CATSPERE: variants seen among roughly 807,000 people sequenced by gnomAD.
CATSPERE encodes the protein catsper channel auxiliary subunit epsilon.
A neutral mutation model predicts 114.1 loss-of-function variants in CATSPERE; 93 were observed. That is an observed-to-expected ratio of 0.81 (90% CI 0.69 to 0.97). The LOEUF is 0.97. CATSPERE is among the 50% of genes least tolerant of loss of function. The pLI is 0.00. For missense variants in CATSPERE, 1,058 were observed against 1,131.6 expected (o/e 0.93, Z 0.93); for synonymous variants, 341 against 384.1 (o/e 0.89, Z 1.31).
chr1:244,551,348 G>T (rs1660590726), intron 8 of CATSPERE, among the ~76,000 whole-genome samples: 1 of 152,106 alleles, frequency 6.6e-6, no homozygotes, highest in Non-Finnish European at 1.5e-5. Flanking sequence ...TTATCACATG[G>T]AAAATATTAT....
At chr1:244,588,587 G>T (rs751520001) in intron 14 of CATSPERE, 53 bp downstream of exon 14, 83 of 1,325,202 alleles carry the variant, frequency 6.3e-5, no homozygotes, top group South Asian at 4.6e-4. Flanking sequence ...AAAACAAATG[G>T]TAAACTAAGT....
chr1:244,541,658 T>TATATAA (rs1307204755), intron 8 of CATSPERE, among the ~76,000 whole-genome samples: 1 of 143,924 alleles, frequency 6.9e-6, no homozygotes, highest in East Asian at 2.0e-4. Flanking sequence ...CATTACTGGG[T>TATATAA]ATATACCCAA....
In CATSPERE at chr1:244,504,783, C is replaced by T. The variant is rs142406870; in HGVS notation, c.429+5704C>T. On this transcript the variant is annotated intron_variant, in intron 7 of 21. Coordinates refer to ENST00000366534, the MANE Select transcript of CATSPERE (RefSeq NM_001130957.2). The surrounding 1 kb of genome is among the most constrained non-coding windows in gnomAD (Gnocchi z 4.1). Reference sequence around the variant, plus strand: ...GGGCGCATACAATCATATGATGTGTCGCTGCTGATGTTTGCGTTCATCACC... The same window carrying T: ...GGGCGCATACAATCATATGATGTGTTGCTGCTGATGTTTGCGTTCATCACC... 3.9e-4 allele frequency among the ~76,000 whole-genome samples: 60 copies of T among 152,192 alleles called. No homozygotes were observed. Among genetic ancestry groups the T allele is most frequent in the African/African-American group, 1.4e-3 (56 of 41,444 alleles).
At chr1:244,621,474 A>G (rs1672381065) in intron 20 of CATSPERE, among the ~76,000 whole-genome samples, 1 of 151,036 alleles carries the variant, frequency 6.6e-6, no homozygotes. Context: ...GAGTGCCTCC[A>G]ATATGCTCAG....
intron 7 of CATSPERE, among the ~76,000 whole-genome samples, chr1:244,512,816 A>G (rs1476289074): frequency 6.6e-6 from 1 of 152,202 alleles, no homozygotes; most frequent in Non-Finnish European, 1.5e-5. Context: ...ACAGTAGTGT[A>G]GTCCCTGCAT....
intron 8 of CATSPERE, among the ~76,000 whole-genome samples, chr1:244,538,812 C>A (rs1186743352): frequency 6.6e-6 from 1 of 152,116 alleles, no homozygotes; most frequent in Non-Finnish European, 1.5e-5. Flanking sequence ...ATTGGGAGTA[C>A]CAGCAGGGCT....
Position 244,633,933 on chromosome 1 carries a change from C to T in CATSPERE, c.2649-1556C>T, listed in dbSNP as rs938489119. 2.7e-5 allele frequency among the ~76,000 whole-genome samples: 4 copies of T among 150,392 alleles called. No individual in the cohort carries two copies. Among genetic ancestry groups the T allele is most frequent in the African/African-American group, 9.8e-5 (4 of 40,774 alleles). ...AGGCTGGAGTGCAGTGGTGCGATCTCCGCTCACTGCAACCTACGCCTCCCG... is the reference window on the plus strand; with the variant it reads ...AGGCTGGAGTGCAGTGGTGCGATCTTCGCTCACTGCAACCTACGCCTCCCG... On this transcript the variant is annotated intron_variant, in intron 20 of 21. Coordinates refer to ENST00000366534, the MANE Select transcript of CATSPERE (RefSeq NM_001130957.2). This position sits in a 1 kb window ranked among gnomAD's most constrained non-coding sequence, Gnocchi z 4.1.
intron 11 of CATSPERE, 82 bp downstream of exon 11, chr1:244,572,854 C>A: frequency 1.1e-6 from 1 of 917,558 alleles, no homozygotes; most frequent in Non-Finnish European, 1.5e-6. Context: ...ATGGATTTCC[C>A]TTCTAGGCTC....
At chr1:244,626,663 TTA>T (rs1673243003) in intron 20 of CATSPERE, among the ~76,000 whole-genome samples, 1 of 152,140 alleles carries the variant, frequency 6.6e-6, no homozygotes, top group Non-Finnish European at 1.5e-5. Flanking sequence ...CCTTGTAATT[TTA>T]TGTTATGCAG....
chr1:244,501,521 C>T (rs1430481229), intron 7 of CATSPERE, among the ~76,000 whole-genome samples: 3 of 152,230 alleles, frequency 2.0e-5, no homozygotes, highest in Non-Finnish European at 2.9e-5. Context: ...GCATATTATC[C>T]TATCTCATGG....
At chr1:244,460,188 ACCT>A (rs1666540394), upstream of CATSPERE, among the ~76,000 whole-genome samples, 3 of 152,300 alleles carry the variant, frequency 2.0e-5, no homozygotes, top group East Asian at 5.8e-4. Flanking sequence ...CCCAAAGCAG[ACCT>A]CCTTCTTGCC....
chr1:244,600,061 G>T (rs1007250456), intron 17 of CATSPERE, among the ~76,000 whole-genome samples: 5 of 152,162 alleles, frequency 3.3e-5, no homozygotes, highest in Non-Finnish European at 5.9e-5. Flanking sequence ...ACTGAGCTAA[G>T]TTGAGTCACT....
At chr1:244,458,578 C>T (rs188311353), upstream of CATSPERE, among the ~76,000 whole-genome samples, 225 of 152,244 alleles carry the variant, frequency 1.5e-3, no homozygotes, top group African/African-American at 4.8e-3. Context: ...ATGTGTTAAA[C>T]ATTGCTAAAC....
intron 19 of CATSPERE, 40 bp from the exon 20 acceptor site, chr1:244,617,489 T>A: frequency 6.9e-7 from 1 of 1,440,120 alleles, no homozygotes; most frequent in Non-Finnish European, 9.2e-7. Context: ...ATCAAAGTCA[T>A]AAAATGACCT....
chr1:244,607,457 C>A lies in CATSPERE; in HGVS notation c.2403+1663C>A, dbSNP rs1157050541. ...AACAATCACCATGGATTCCTGAATT[C>A]TGCCATCCATCCTATGAGGGTATTG... On this transcript the variant is annotated intron_variant, in intron 18 of 21. Transcript: ENST00000366534. The surrounding 1 kb of genome is among the most constrained non-coding windows in gnomAD (Gnocchi z 4.4). Among the ~76,000 whole-genome samples the A allele has an allele frequency of 6.6e-6, 1 of 152,220 alleles. No homozygotes were observed. The highest frequency in any genetic ancestry group is 2.4e-5 in the African/African-American group (1 of 41,464).
chr1:244,553,600 A>AACACAC (rs1553356088), intron 9 of CATSPERE, among the ~76,000 whole-genome samples: 3 of 32,578 alleles, frequency 9.2e-5, no homozygotes, highest in South Asian at 1.3e-3. Context: ...AAAAAAAAAA[A>AACACAC]ATACACACAC....
At position 244,479,795 on chromosome 1, in the gene CATSPERE, C is replaced by T. The variant is rs767909638; in HGVS notation, c.326+11C>T. On this transcript the variant is annotated intron_variant, in intron 5 of 21. Transcript: ENST00000366534. Reference sequence around the variant, plus strand: ...GTACTATAGAGTTAGGTAAGTAATGCAGTACTGAATAGGTAATTATGCTTT... The same window carrying T: ...GTACTATAGAGTTAGGTAAGTAATGTAGTACTGAATAGGTAATTATGCTTT... The T allele has an allele frequency of 3.1e-5, 46 of 1,484,570 alleles. No homozygotes were observed. The South Asian group carries it at 5.3e-4, about 17-fold the overall frequency. The allele number at this position is 1,484,570 out of a possible 1,614,324, so 92.0% of individuals were successfully genotyped here.
At chr1:244,519,332 T>A (rs1677148322) in intron 8 of CATSPERE, among the ~76,000 whole-genome samples, 1 of 152,142 alleles carries the variant, frequency 6.6e-6, no homozygotes, top group East Asian at 1.9e-4. Context: ...AGGTGACATC[T>A]GCATTATTGA....
At chr1:244,514,753 C>T (rs1309464759) in intron 7 of CATSPERE, among the ~76,000 whole-genome samples, 2 of 145,938 alleles carry the variant, frequency 1.4e-5, no homozygotes, top group Admixed American at 7.2e-5. Context: ...GGCATGAACC[C>T]GGGAGGTGGA....
Sources: gnomAD v4.1 joint callset for allele counts (sites outside exome capture counted in the v4.1 genomes callset) on GRCh38, gnomAD v4.1.1 for gene constraint, Gnocchi (gnomAD v3.1) non-coding constraint, MANE v1.5 for transcripts, NCBI Gene and HGNC (gene_info 2026-07-23, HGNC 2026-07-21) for gene names.